ATXN2: variants seen among roughly 807,000 people sequenced by gnomAD.
ATXN2 encodes the protein ataxin 2, also known as ataxin-2.
A neutral mutation model predicts 138.6 loss-of-function variants in ATXN2; 37 were observed. The observed-to-expected ratio is 0.27, with a 90% CI of 0.21 to 0.35. ATXN2 has a LOEUF of 0.35. Ranked by LOEUF, ATXN2 falls within the 10% of genes least tolerant of loss-of-function variation. The pLI, the probability that ATXN2 is intolerant of heterozygous loss-of-function variation, is 1.00. For synonymous variants in ATXN2, 549 were observed against 543.7 expected (o/e 1.01, Z -0.13); for missense variants, 1,216 against 1,480.3 (o/e 0.82, Z 2.93).
intron 18 of ATXN2, among the ~76,000 whole-genome samples, chr12:111,472,781 C>A (rs976874990): frequency 6.6e-6 from 1 of 150,594 alleles, no homozygotes; most frequent in East Asian, 2.0e-4. Flanking sequence ...ACCATGTTGG[C>A]CAGGCTGGTC....
In ATXN2 at chr12:111,520,908, C is replaced by T. The variant is rs76375301; in HGVS notation, c.762G>A (p.Thr254=). ...TATACGAAGATAAACTGCTATCATA[C>T]GTAGACACTACACCATAATTTTCTT... ...YNEENYGVVS[T]YDSSLSSYTV... Residue 254 remains threonine (T), a synonymous_variant, in exon 7 of 25, where the codon ACG becomes ACA. Transcript: ENST00000673436. 1.3e-3 allele frequency: 2,044 copies of T among 1,596,028 alleles called. 22 individuals carry two copies. In the African/African-American group the frequency reaches 0.022, roughly 17 times the overall value.
chr12:111,577,994 G>A (rs930077327), intron 1 of ATXN2, among the ~76,000 whole-genome samples: 3 of 143,204 alleles, frequency 2.1e-5, no homozygotes, highest in Admixed American at 7.3e-5. Flanking sequence ...TCAGGAGTTC[G>A]AGACCAGCCT....
intron 14 of ATXN2, among the ~76,000 whole-genome samples, chr12:111,504,108 T>C (rs1233101695): frequency 1.3e-5 from 2 of 152,242 alleles, no homozygotes; most frequent in African/African-American, 2.4e-5. Flanking sequence ...ATAGCTAAAA[T>C]GTTTTCTGCT....
chr12:111,468,114 C>G (rs1876149143), intron 20 of ATXN2, among the ~76,000 whole-genome samples: 1 of 152,200 alleles, frequency 6.6e-6, no homozygotes, highest in Non-Finnish European at 1.5e-5. Flanking sequence ...TATAAACAAT[C>G]ATAATGAACT....
chr12:111,466,621 G>C (rs1876047610), intron 20 of ATXN2, among the ~76,000 whole-genome samples: 1 of 152,154 alleles, frequency 6.6e-6, no homozygotes, highest in Non-Finnish European at 1.5e-5. Flanking sequence ...TCATTTAACT[G>C]TTCAGTAATG....
At chr12:111,554,615 T>C (rs1882291903) in intron 2 of ATXN2, among the ~76,000 whole-genome samples, 1 of 151,992 alleles carries the variant, frequency 6.6e-6, no homozygotes, top group Non-Finnish European at 1.5e-5. Context: ...AAACATGACA[T>C]AAAAAAGCAA....
At position 111,464,846 on chromosome 12, in the gene ATXN2, C is replaced by T. The variant is rs541203156; in HGVS notation, c.2843-131G>A. On this transcript the variant is annotated intron_variant, in intron 20 of 24. Coordinates refer to ENST00000673436, the MANE Select transcript of ATXN2 (RefSeq NM_001372574.1). ...ATTCATTTTCATAAGAGATGACAAG[C>T]ACTTTAAACACTGCTACAGAATTTT... is the stretch of plus-strand genomic sequence containing the variant. 2.2e-3 allele frequency: 1,483 copies of T among 664,148 alleles called. 5 individuals carry two copies. Among genetic ancestry groups the T allele is most frequent in the Non-Finnish European group, 2.5e-3 (912 of 371,192 alleles). The allele number at this position is 664,148 out of a possible 1,614,324, so 41.1% of individuals were successfully genotyped here. A position where few individuals can be genotyped will look rare whatever the true frequency, so the allele number is the denominator to read the frequency against.
chr12:111,532,898 G>T (rs375221048), intron 5 of ATXN2, among the ~76,000 whole-genome samples: 7 of 149,946 alleles, frequency 4.7e-5, no homozygotes, highest in African/African-American at 1.5e-4. Flanking sequence ...TGAGGCTCCA[G>T]CAAGAGCTGG....
intron 21 of ATXN2, among the ~76,000 whole-genome samples, chr12:111,461,838 C>T (rs1875607898): frequency 6.6e-6 from 1 of 151,314 alleles, no homozygotes; most frequent in Non-Finnish European, 1.5e-5. Context: ...CAGAGAATTG[C>T]TTGAACCTAG....
rs1877591727 is a variant in ATXN2 at position 111,485,723 on chromosome 12, G to C, written c.2447C>G (p.Pro816Arg). 1 of 1,613,844 alleles carries C rather than the reference G, an allele frequency of 6.2e-7. No individual in the cohort carries two copies. Among genetic ancestry groups the C allele is most frequent in the African/African-American group, 1.3e-5 (1 of 74,902 alleles). Reference sequence around the variant, plus strand: ...AATTCTATGACTTACTTGCACGCCTGGGCTCACTGGGACTGGATACATCAT... The same window carrying C: ...AATTCTATGACTTACTTGCACGCCTCGGCTCACTGGGACTGGATACATCAT... ...PNMMYPVPVS[P>R]GVQPLYPIPM... The change falls in exon 17 of 25, where the codon CCA becomes CGA. Residue 816 changes from proline to arginine, a missense_variant. Physicochemically the swap from Pro to Arg is moderately radical, Grantham distance 103 (BLOSUM62 -2). This residue lies in a region of ATXN2 where 490 missense variants were observed against 653.5 expected (regional missense o/e 0.75). Transcript: ENST00000673436.
At chr12:111,550,078 AAGAG>A (rs1200622018) in intron 5 of ATXN2, among the ~76,000 whole-genome samples, 1 of 151,374 alleles carries the variant, frequency 6.6e-6, no homozygotes, top group Non-Finnish European at 1.5e-5. Context: ...AAAAAAAAAA[AAGAG>A]AGAGAAAAGA....
rs1885056500 is a variant in ATXN2 at position 111,598,569 on chromosome 12, T to C, written c.251+215A>G. The C allele has an allele frequency of 7.1e-6, 7 of 983,510 alleles. No individual in the cohort carries two copies. Among genetic ancestry groups the C allele is most frequent in the Non-Finnish European group, 8.4e-6 (7 of 828,794 alleles). The allele number at this position is 983,510 out of a possible 1,614,324, so 60.9% of individuals were successfully genotyped here. ...CCGCCGGGGGAGGGGGCGGGGATGCTGCGGGAGGCTGGACAGGCCTGACAA... is the reference window on the plus strand; with the variant it reads ...CCGCCGGGGGAGGGGGCGGGGATGCCGCGGGAGGCTGGACAGGCCTGACAA... On this transcript the variant is annotated intron_variant, in intron 1 of 24. Coordinates refer to ENST00000673436, the MANE Select transcript of ATXN2 (RefSeq NM_001372574.1). The surrounding 1 kb of genome is among the most constrained non-coding windows in gnomAD (Gnocchi z 4.5).
chr12:111,575,863 C>G (rs1480311727), intron 1 of ATXN2, among the ~76,000 whole-genome samples: 1 of 152,146 alleles, frequency 6.6e-6, no homozygotes, highest in African/African-American at 2.4e-5. Context: ...GCGGGTGGAT[C>G]ATGAGGTCAG....
At chr12:111,583,896 C>T (rs1229249987) in intron 1 of ATXN2, among the ~76,000 whole-genome samples, 1 of 149,946 alleles carries the variant, frequency 6.7e-6, no homozygotes, top group Non-Finnish European at 1.5e-5. Flanking sequence ...CAATTTAATA[C>T]ACAATTATAC....
chr12:111,549,372 A>C (rs542275357), intron 5 of ATXN2, among the ~76,000 whole-genome samples: 1 of 151,972 alleles, frequency 6.6e-6, no homozygotes, highest in Non-Finnish European at 1.5e-5. Flanking sequence ...CTAAGAATAC[A>C]AACAAAAAAA....
chr12:111,465,716 G>T lies in ATXN2; in HGVS notation c.2843-1001C>A, dbSNP rs566625105. Among the ~76,000 whole-genome samples the T allele has an allele frequency of 1.1e-4, 16 of 140,872 alleles. No homozygotes were observed. In the South Asian group the frequency reaches 3.7e-3, roughly 33 times the overall value. 92.4% of individuals were successfully genotyped at this position (140,872 alleles called of 152,430 possible). A position where few individuals can be genotyped will look rare whatever the true frequency, so the allele number is the denominator to read the frequency against. ...ACCTGGGAGGCAGATGTTGCAGTGA[G>T]CTGAGATCGCACCGCTGCACTTCAG... On this transcript the variant is annotated intron_variant, in intron 20 of 24. Coordinates refer to ENST00000673436, the MANE Select transcript of ATXN2 (RefSeq NM_001372574.1).
chr12:111,471,072 C>T (rs951276144), intron 18 of ATXN2: 27 of 230,536 alleles, frequency 1.2e-4, no homozygotes, highest in African/African-American at 5.7e-4. Flanking sequence ...ATTATGAAAT[C>T]GCTTCTCATA....
chr12:111,513,456 G>C lies in ATXN2; in HGVS notation c.1459C>G (p.Leu487Val). Reference sequence around the variant, plus strand: ...GGTGGGTTGTGGGATACAAATTCTAGGCCACTGGATATGGAACCCCTCCCA... The same window carrying C: ...GGTGGGTTGTGGGATACAAATTCTACGCCACTGGATATGGAACCCCTCCCA... ...SAGRGSISSG[L>V]EFVSHNPPSE... Residue 487 changes from leucine (L) to valine (V), a missense_variant, in exon 11 of 25, where the codon CTA becomes GTA. Transcript: ENST00000673436. 6.2e-7 allele frequency: 1 copy of C among 1,614,010 alleles called. No homozygotes were observed. The highest frequency in any genetic ancestry group is 1.3e-5 in the African/African-American group (1 of 75,006).
chr12:111,535,258 G>A (rs1442599466), intron 5 of ATXN2, among the ~76,000 whole-genome samples: 4 of 152,184 alleles, frequency 2.6e-5, no homozygotes, highest in African/African-American at 9.7e-5. Context: ...ATGTGGGCTT[G>A]GTTTTGAAAA....
Sources: allele counts gnomAD v4.1 joint callset (sites outside exome capture counted in the v4.1 genomes callset), GRCh38; gene constraint gnomAD v4.1.1; regional missense constraint gnomAD v4.1.1; non-coding constraint Gnocchi (gnomAD v3.1); transcripts MANE v1.5; gene names NCBI Gene and HGNC (gene_info 2026-07-23, HGNC 2026-07-21).